The following TRIM2 variants were observed in gnomAD, a reference collection of about 807,000 sequenced individuals.
TRIM2 encodes tripartite motif-containing protein 2.
TRIM2 carries 20 observed loss-of-function variants against 75.2 expected under a neutral mutation model. The observed-to-expected ratio is 0.27, with a 90% CI of 0.19 to 0.39. TRIM2 has a LOEUF of 0.39. Ranked by LOEUF, TRIM2 falls within the 10% of genes least tolerant of loss-of-function variation. The pLI is 1.00. For missense variants in TRIM2, 660 were observed against 990.8 expected (o/e 0.67, Z 4.48); for synonymous variants, 373 against 388.3 (o/e 0.96, Z 0.46).
At chr4:153,216,869 C>G (rs1738621386) in intron 1 of TRIM2, among the ~76,000 whole-genome samples, 1 of 152,186 alleles carries the variant, frequency 6.6e-6, no homozygotes, top group African/African-American at 2.4e-5. Context: ...CCCTCATGAT[C>G]TAAACACTTC....
chr4:153,256,392 T>C (rs901423640), intron 1 of TRIM2, among the ~76,000 whole-genome samples: 1 of 152,244 alleles, frequency 6.6e-6, no homozygotes, highest in Non-Finnish European at 1.5e-5. Context: ...ATTAATGTAA[T>C]CAAATATGCA....
chr4:153,213,581 G>T (rs1411855625), intron 1 of TRIM2, among the ~76,000 whole-genome samples: 2 of 152,108 alleles, frequency 1.3e-5, no homozygotes, highest in Non-Finnish European at 2.9e-5. Context: ...AGGCTGGAGT[G>T]CAGTGGCACG....
intron 1 of TRIM2, among the ~76,000 whole-genome samples, chr4:153,257,113 G>A (rs902183407): frequency 2.0e-5 from 3 of 152,122 alleles, no homozygotes; most frequent in Admixed American, 6.5e-5. Context: ...TTCTCACTGC[G>A]TTCACCGTTT....
At chr4:153,291,466 T>G (rs149064993) in intron 3 of TRIM2, among the ~76,000 whole-genome samples, 69 of 152,326 alleles carry the variant, frequency 4.5e-4, no homozygotes, top group African/African-American at 1.7e-3. Context: ...ATTTCATAAA[T>G]TGGGTATAAA....
intron 3 of TRIM2, among the ~76,000 whole-genome samples, chr4:153,292,018 T>C (rs548162028): frequency 2.1e-4 from 32 of 152,352 alleles, no homozygotes; most frequent in South Asian, 1.5e-3. Flanking sequence ...TTTGGATAAG[T>C]CTCTTAGCCA....
At chr4:153,329,500 A>G (rs1272451442) in intron 11 of TRIM2, among the ~76,000 whole-genome samples, 2 of 151,670 alleles carry the variant, frequency 1.3e-5, no homozygotes, top group African/African-American at 4.8e-5. Context: ...TCAAGAAGCT[A>G]GAAAGAAAAG....
In TRIM2 at chr4:153,276,102, C is replaced by T; in HGVS notation, c.425C>T (p.Pro142Leu). 1 of 1,614,086 alleles carries T rather than the reference C, an allele frequency of 6.2e-7. No individual in the cohort carries two copies. The highest frequency in any genetic ancestry group is 8.5e-7 in the Non-Finnish European group (1 of 1,179,946). ...ETVTAVAAGK[P>L]LSCPNHDGNV... ...GTCACTGCTGTGGCTGCGGGAAAGC[C>T]TCTCTCTTGCCCAAACCACGATGGG... is the stretch of plus-strand genomic sequence containing the variant. The change falls in exon 3 of 12, where the codon CCT (proline) becomes CTT (leucine). Residue 142 changes from proline (P) to leucine (L), a missense_variant. By Grantham distance (98) the Pro-to-Leu change is moderately conservative. This residue lies in a region of TRIM2 where 620 missense variants were observed against 891.0 expected (regional missense o/e 0.70). Coordinates refer to ENST00000338700, the MANE Select transcript of TRIM2 (RefSeq NM_015271.5).
intron 1 of TRIM2, among the ~76,000 whole-genome samples, chr4:153,178,302 G>A (rs1039268609): frequency 6.6e-6 from 1 of 152,066 alleles, no homozygotes; most frequent in Non-Finnish European, 1.5e-5. Context: ...CACCCCCAGC[G>A]CCCCAACCCC....
At chr4:153,317,123 G>C (rs1195016170) in intron 8 of TRIM2, among the ~76,000 whole-genome samples, 1 of 149,372 alleles carries the variant, frequency 6.7e-6, no homozygotes, top group African/African-American at 2.4e-5. Context: ...CTCATGATCC[G>C]CCCGCCTCGG....
At chr4:153,200,671 T>C (rs1579484155), upstream of TRIM2, among the ~76,000 whole-genome samples, 5 of 151,006 alleles carry the variant, frequency 3.3e-5, no homozygotes, top group South Asian at 8.4e-4. Context: ...AGGGTTCTTG[T>C]TTCTCCACAT....
chr4:153,228,748 A>T (rs1742836182), intron 1 of TRIM2, among the ~76,000 whole-genome samples: 1 of 152,276 alleles, frequency 6.6e-6, no homozygotes. Flanking sequence ...GTCACGCGGC[A>T]GTCATAGTCA....
intron 1 of TRIM2, among the ~76,000 whole-genome samples, chr4:153,205,132 G>C (rs1405519631): frequency 6.6e-6 from 1 of 152,166 alleles, no homozygotes; most frequent in East Asian, 1.9e-4. Flanking sequence ...TCCCTCTGCC[G>C]TGCGACTGTG....
intron 1 of TRIM2, among the ~76,000 whole-genome samples, chr4:153,157,463 A>G (rs1729340688): frequency 6.6e-6 from 1 of 152,186 alleles, no homozygotes; most frequent in Non-Finnish European, 1.5e-5. Flanking sequence ...GAAAGGAAGT[A>G]AGATCCAGCT....
intron 1 of TRIM2, among the ~76,000 whole-genome samples, chr4:153,238,559 A>G (rs1745620268): frequency 6.6e-6 from 1 of 152,332 alleles, no homozygotes; most frequent in Non-Finnish European, 1.5e-5. Flanking sequence ...GGAGAGGAAA[A>G]GCATGTATAA....
At chr4:153,186,879 G>T (rs1397085044) in intron 1 of TRIM2, among the ~76,000 whole-genome samples, 1 of 139,020 alleles carries the variant, frequency 7.2e-6, no homozygotes, top group African/African-American at 2.9e-5. Context: ...AGAACAGATT[G>T]TCAGAATTGC....
intron 1 of TRIM2, among the ~76,000 whole-genome samples, chr4:153,225,999 T>A (rs747252730): frequency 2.0e-5 from 3 of 152,144 alleles, no homozygotes; most frequent in Non-Finnish European, 4.4e-5. Context: ...GCCTCCCGAG[T>A]AGCTGGGACT....
At chr4:153,244,435 C>CTTCTTCTTT (rs1748487375) in intron 1 of TRIM2, among the ~76,000 whole-genome samples, 1 of 86,750 alleles carries the variant, frequency 1.2e-5, no homozygotes, top group Non-Finnish European at 2.0e-5. Flanking sequence ...TCTTCTTCTT[C>CTTCTTCTTT]TTTTAATTAG....
chr4:153,266,133 G>A (rs1294190611), intron 1 of TRIM2, among the ~76,000 whole-genome samples: 1 of 152,132 alleles, frequency 6.6e-6, no homozygotes, highest in Non-Finnish European at 1.5e-5. Context: ...CTCTTGTATA[G>A]CAGGTGCTTC....
intron 7 of TRIM2, 59 bp from the exon 8 acceptor site, chr4:153,315,773 G>A: frequency 6.3e-7 from 1 of 1,592,350 alleles, no homozygotes; most frequent in Non-Finnish European, 8.6e-7. Context: ...TTCTGCCTAT[G>A]CCTTCCTCAG....
Sources: allele counts gnomAD v4.1 joint callset (sites outside exome capture counted in the v4.1 genomes callset), GRCh38; gene constraint gnomAD v4.1.1; regional missense constraint gnomAD v4.1.1; transcripts MANE v1.5; gene names NCBI Gene and HGNC (gene_info 2026-07-23, HGNC 2026-07-21).